Variants in ANKRD17 observed in about 807,000 individuals in gnomAD.
The protein encoded by ANKRD17 is ankyrin repeat domain-containing protein 17.
ANKRD17 carries 19 observed loss-of-function variants against 229.7 expected under a neutral mutation model. The observed-to-expected ratio is 0.08, with a 90% CI of 0.06 to 0.12. ANKRD17 has a LOEUF of 0.12. Ranked by LOEUF, ANKRD17 falls within the 10% of genes least tolerant of loss-of-function variation. The pLI is 1.00. For missense variants in ANKRD17, 2,176 were observed against 3,176.8 expected (o/e 0.68, Z 7.57); for synonymous variants, 1,112 against 1,146.1 (o/e 0.97, Z 0.60).
intron 9 of ANKRD17, 114 bp downstream of exon 9, chr4:73,147,126 GT>G (rs1430374574): frequency 4.9e-6 from 5 of 1,029,552 alleles, no homozygotes; most frequent in Non-Finnish European, 5.5e-6. Flanking sequence ...TATATCACAC[GT>G]TTTTTTAAAC....
At position 73,139,609 on chromosome 4, in the gene ANKRD17, G is replaced by A; in HGVS notation, c.3007C>T (p.Leu1003=). ...AQLAGLGQGI[L]TETQQGLMVA... ...ATTAACCCTTGTTGTGTTTCTGTCA[G>A]AATTCCTTGCCCCAGCCCTGCCAAC... Residue 1003 remains leucine (L), a synonymous_variant, in exon 15 of 34, where the codon CTG becomes TTG. Coordinates refer to ENST00000358602, the MANE Select transcript of ANKRD17 (RefSeq NM_032217.5). The A allele has an allele frequency of 6.2e-7, 1 of 1,614,146 alleles. No individual in the cohort carries two copies. The highest frequency in any genetic ancestry group is 8.5e-7 in the Non-Finnish European group (1 of 1,180,024).
intron 1 of ANKRD17, among the ~76,000 whole-genome samples, chr4:73,183,495 G>A (rs1289991760): frequency 2.0e-5 from 3 of 151,802 alleles, no homozygotes; most frequent in Non-Finnish European, 4.4e-5. Flanking sequence ...ACTCTGTCAC[G>A]CAGGCTGGAG....
rs565019944 is a variant in ANKRD17 at position 73,100,269 on chromosome 4, G to A, written c.4574-1749C>T. Among the ~76,000 whole-genome samples the A allele has an allele frequency of 1.2e-3, 184 of 152,086 alleles. 1 individual carries two copies. The highest frequency in any genetic ancestry group is 3.9e-3 in the African/African-American group (163 of 41,502). Reference sequence around the variant, plus strand: ...CTGGCACATGGCAGGCTGGGTGACCGACCACCCCAGTCCCAAGGAAGGTGG... The same window carrying A: ...CTGGCACATGGCAGGCTGGGTGACCAACCACCCCAGTCCCAAGGAAGGTGG... On this transcript the variant is annotated intron_variant, in intron 25 of 33. Transcript: ENST00000358602.
chr4:73,120,447 T>C, intron 20 of ANKRD17, 110 bp from the exon 21 acceptor site: 1 of 999,706 alleles, frequency 1.0e-6, no homozygotes, highest in Non-Finnish European at 1.4e-6. Flanking sequence ...TTACCAAGAT[T>C]CACAACTAAA....
At chr4:73,155,507 T>G (rs1578212208) in intron 5 of ANKRD17, 124 bp downstream of exon 5, 3 of 1,006,482 alleles carry the variant, frequency 3.0e-6, no homozygotes, top group Non-Finnish European at 2.9e-6. Context: ...CACAGATGTG[T>G]GAGAATATGT....
intron 1 of ANKRD17, among the ~76,000 whole-genome samples, chr4:73,192,830 A>C (rs1737315893): frequency 6.6e-6 from 1 of 152,166 alleles, no homozygotes; most frequent in Non-Finnish European, 1.5e-5. Context: ...AAAATATTGT[A>C]AGAATTAGTT....
In ANKRD17 at chr4:73,184,123, G is replaced by A. The variant is rs116954007; in HGVS notation, c.394-6590C>T. On this transcript the variant is annotated intron_variant, in intron 1 of 33. Coordinates refer to ENST00000358602, the MANE Select transcript of ANKRD17 (RefSeq NM_032217.5). Reference sequence around the variant, plus strand: ...GGGGTCATTTGGACCAACTGTCATCGTTAGCATTACATTTCAAACTACTCC... The same window carrying A: ...GGGGTCATTTGGACCAACTGTCATCATTAGCATTACATTTCAAACTACTCC... 1.5e-4 allele frequency among the ~76,000 whole-genome samples: 23 copies of A among 152,230 alleles called. No individual in the cohort carries two copies. In the East Asian group the frequency reaches 3.9e-3, roughly 26 times the overall value.
intron 2 of ANKRD17, among the ~76,000 whole-genome samples, chr4:73,172,605 C>T (rs1309865198): frequency 1.3e-5 from 2 of 152,116 alleles, no homozygotes; most frequent in East Asian, 3.9e-4. Flanking sequence ...AACAACTTTT[C>T]AAGACATATG....
At chr4:73,150,236 C>A (rs1730835648) in intron 7 of ANKRD17, among the ~76,000 whole-genome samples, 1 of 152,132 alleles carries the variant, frequency 6.6e-6, no homozygotes, top group South Asian at 2.1e-4. Flanking sequence ...AGTATTATAG[C>A]AAGTCTTTCA....
intron 1 of ANKRD17, among the ~76,000 whole-genome samples, chr4:73,210,804 C>T (rs1487031655): frequency 6.6e-6 from 1 of 151,550 alleles, no homozygotes; most frequent in Non-Finnish European, 1.5e-5. Flanking sequence ...AATATGAGTC[C>T]TCCAAATCAT....
At chr4:73,226,210 A>G (rs1487893067) in intron 1 of ANKRD17, among the ~76,000 whole-genome samples, 1 of 151,496 alleles carries the variant, frequency 6.6e-6, no homozygotes. Context: ...CTCCTGACCT[A>G]GTGATCTGCC....
intron 2 of ANKRD17, among the ~76,000 whole-genome samples, chr4:73,174,462 C>G (rs1254167414): frequency 3.3e-5 from 5 of 152,084 alleles, no homozygotes. Flanking sequence ...CTATGACAAA[C>G]CAACAGCCAA....
At chr4:73,101,109 A>G in intron 25 of ANKRD17, 2 of 840,920 alleles carry the variant, frequency 2.4e-6, no homozygotes, top group Non-Finnish European at 2.9e-6. Flanking sequence ...CAAATATTAC[A>G]CCATGTTATA....
intron 22 of ANKRD17, among the ~76,000 whole-genome samples, chr4:73,116,390 T>C (rs773893647): frequency 6.6e-6 from 1 of 152,180 alleles, no homozygotes; most frequent in Non-Finnish European, 1.5e-5. Flanking sequence ...TATACTTTCA[T>C]GAAGAATAAG....
chr4:73,128,131 G>T (rs1180674216), intron 16 of ANKRD17, among the ~76,000 whole-genome samples: 2 of 152,166 alleles, frequency 1.3e-5, no homozygotes, highest in Non-Finnish European at 1.5e-5. Flanking sequence ...CAGGTTTATA[G>T]GAAGAAATTA....
At chr4:73,160,404 A>C (rs28460851) in intron 3 of ANKRD17, among the ~76,000 whole-genome samples, 40,982 of 151,824 alleles carry the variant, frequency 0.27, 8,412 homozygotes, top group African/African-American at 0.58. Context: ...TTCTTAGTAG[A>C]GACAGGGTTT....
chr4:73,085,432 C>T lies in ANKRD17; in HGVS notation c.6976G>A (p.Asp2326Asn). 1 of 1,613,650 alleles carries T rather than the reference C, an allele frequency of 6.2e-7. No individual in the cohort carries two copies. The highest frequency in any genetic ancestry group is 8.5e-7 in the Non-Finnish European group (1 of 1,179,656). ...APSPSGIVNMDSPYGSVTPSS... is the reference protein window; with the variant it reads ...APSPSGIVNMNSPYGSVTPSS... ...GGTGTTACAGAACCATATGGCGAGT[C>T]CATATTGACAATACCTATAATGTAG... The change falls in exon 30 of 34, where the codon GAC becomes AAC. Residue 2326 changes from aspartate to asparagine, a missense_variant. Transcript: ENST00000358602.
At chr4:73,155,409 T>C (rs1025370574) in intron 5 of ANKRD17, among the ~76,000 whole-genome samples, 3 of 152,180 alleles carry the variant, frequency 2.0e-5, no homozygotes, top group Non-Finnish European at 2.9e-5. Flanking sequence ...TACTTTTATC[T>C]TAAAGAATCT....
chr4:73,120,131 T>G (rs750325281), intron 21 of ANKRD17, 31 bp downstream of exon 21: 1 of 1,599,404 alleles, frequency 6.3e-7, no homozygotes, highest in South Asian at 1.1e-5. Flanking sequence ...AACACTTGTG[T>G]TCATATATGA....
Sources: allele counts gnomAD v4.1 joint callset (sites outside exome capture counted in the v4.1 genomes callset), GRCh38; gene constraint gnomAD v4.1.1; transcripts MANE v1.5; gene names NCBI Gene and HGNC (gene_info 2026-07-23, HGNC 2026-07-21).